PIBF1: variants seen among roughly 807,000 people sequenced by gnomAD.
PIBF1 encodes the protein progesterone-induced-blocking factor 1.
Under a neutral mutation model 112.5 loss-of-function variants are expected in PIBF1, and 90 were observed. The observed-to-expected ratio is 0.80, with a 90% CI of 0.67 to 0.95. The LOEUF is 0.95. Ranked by LOEUF, PIBF1 falls within the 40% of genes least tolerant of loss-of-function variation. The pLI, the probability that PIBF1 is intolerant of heterozygous loss-of-function variation, is 0.00. For missense variants in PIBF1, 915 were observed against 852.3 expected, an observed-to-expected ratio of 1.07 and a Z score of -0.92; for synonymous variants, 301 against 288.6, an observed-to-expected ratio of 1.04 and a Z score of -0.44.
chr13:73,005,553 G>T (rs2044007205), intron 17 of PIBF1, among the ~76,000 whole-genome samples: 10 of 151,672 alleles, frequency 6.6e-5, no homozygotes, highest in South Asian at 4.2e-4. Context: ...ATTGTAAGTA[G>T]GTTACAAAAA....
intron 10 of PIBF1, among the ~76,000 whole-genome samples, chr13:72,871,096 A>G (rs2039143789): frequency 6.6e-6 from 1 of 152,158 alleles, no homozygotes; most frequent in Non-Finnish European, 1.5e-5. Context: ...CCTGAATTGG[A>G]TGGTGGCATA....
intron 10 of PIBF1, among the ~76,000 whole-genome samples, chr13:72,858,023 T>TTGCTTTTTTTTTG (rs71099760): frequency 8.5e-5 from 12 of 141,224 alleles, no homozygotes; most frequent in African/African-American, 3.2e-4. Flanking sequence ...CAAATGTACA[T>TTGCTTTTTTTTTG]TGTGTGTGTG....
chr13:72,792,503 A>G lies in PIBF1; in HGVS notation c.309A>G (p.Thr103=), dbSNP rs758684015. Residue 103 remains threonine, a synonymous_variant, in exon 3 of 18, where the codon ACA becomes ACG. Transcript: ENST00000326291. ...CACTTCACCAGAAGCAGCTACTAAC[A>G]TTGAGATTAGACAACCAATTGGCTT... The part of the protein sequence containing the change: ...NDALHQKQLL[T]LRLDNQLAFQ... The G allele has an allele frequency of 3.8e-6, 6 of 1,576,868 alleles. No individual in the cohort carries two copies. The highest frequency in any genetic ancestry group is 3.4e-6 in the Non-Finnish European group (4 of 1,166,222).
Position 72,824,412 on chromosome 13 carries a change from TATTGGCAATAATGA to T in PIBF1, c.806+2434_806+2447del, listed in dbSNP as rs2036707479. 2.0e-5 allele frequency among the ~76,000 whole-genome samples: 3 copies of T among 152,252 alleles called. No homozygotes were observed. The South Asian group carries it at 6.2e-4, about 32-fold the overall frequency. ...TAGCAAACTTGAATATCACAATAAATATTGGCAATAATGAATTACAGTCCATTGAATAGAATAAG... is the reference window on the plus strand; with the variant it reads ...TAGCAAACTTGAATATCACAATAAATATTACAGTCCATTGAATAGAATAAG... On this transcript the variant is annotated intron_variant, in intron 6 of 17. Coordinates refer to ENST00000326291, the MANE Select transcript of PIBF1 (RefSeq NM_006346.4).
At position 72,795,427 on chromosome 13, in the gene PIBF1, CAA is replaced by C. The variant is rs1242155131; in HGVS notation, c.424_425del (p.Asn142SerfsTer16). On this transcript the variant is annotated frameshift_variant, in exon 4 of 18. Coordinates refer to ENST00000326291, the MANE Select transcript of PIBF1 (RefSeq NM_006346.4). LOFTEE classifies it high-confidence loss of function. ...TTGAGACAGAAACAACTAGAAGAGA[CAA>C]ATCTTCAGCTAAGAGAAAAAGCTGG... 6.2e-7 allele frequency: 1 copy of C among 1,609,296 alleles called. No individual in the cohort carries two copies.
chr13:72,999,995 C>T (rs1193755086), intron 17 of PIBF1, among the ~76,000 whole-genome samples: 1 of 152,184 alleles, frequency 6.6e-6, no homozygotes, highest in African/African-American at 2.4e-5. Flanking sequence ...GGTGCGATGG[C>T]ACCACTGCAT....
chr13:72,957,699 T>G (rs1376476598), intron 14 of PIBF1, among the ~76,000 whole-genome samples: 1 of 152,064 alleles, frequency 6.6e-6, no homozygotes, highest in Non-Finnish European at 1.5e-5. Context: ...GCCCAGCTAC[T>G]TGGGAGGCCA....
At chr13:72,873,731 G>A (rs1262434178) in intron 10 of PIBF1, among the ~76,000 whole-genome samples, 3 of 150,542 alleles carry the variant, frequency 2.0e-5, no homozygotes, top group Non-Finnish European at 4.4e-5. Context: ...TGGTAGTTGG[G>A]GGACAAAAAG....
chr13:73,010,448 C>A (rs2044161574), intron 17 of PIBF1, among the ~76,000 whole-genome samples: 1 of 151,768 alleles, frequency 6.6e-6, no homozygotes, highest in East Asian at 1.9e-4. Flanking sequence ...ATTAAAAATA[C>A]AAAAATTAGC....
chr13:72,888,648 C>G (rs1355027418), intron 10 of PIBF1, among the ~76,000 whole-genome samples: 1 of 151,724 alleles, frequency 6.6e-6, no homozygotes, highest in Non-Finnish European at 1.5e-5. Context: ...TGATTATGTC[C>G]ACATTGTGGT....
intron 11 of PIBF1, 85 bp from the exon 12 acceptor site, chr13:72,908,446 C>A: frequency 1.5e-6 from 1 of 673,828 alleles, no homozygotes; most frequent in Non-Finnish European, 2.3e-6. Context: ...CAAAAAAAGC[C>A]CTATGAATGT....
intron 10 of PIBF1, 60 bp from the exon 11 acceptor site, chr13:72,893,724 A>T: frequency 9.4e-7 from 1 of 1,067,472 alleles, no homozygotes; most frequent in Admixed American, 2.9e-5. Context: ...AAGGTTTATG[A>T]TTACTTAAAT....
intron 16 of PIBF1, 70 bp downstream of exon 16, chr13:72,973,745 T>C: frequency 1.2e-6 from 1 of 815,262 alleles, no homozygotes; most frequent in Non-Finnish European, 2.1e-6. Context: ...AGGTTAAAAT[T>C]ATTGGATCCC....
At chr13:72,878,012 G>A (rs1033538774) in intron 10 of PIBF1, among the ~76,000 whole-genome samples, 1 of 151,956 alleles carries the variant, frequency 6.6e-6, no homozygotes, top group Admixed American at 6.6e-5. Context: ...GCCTCCCAAA[G>A]TGCTGGGATT....
intron 10 of PIBF1, among the ~76,000 whole-genome samples, chr13:72,878,319 C>A (rs2039490963): frequency 6.6e-6 from 1 of 152,030 alleles, no homozygotes; most frequent in Non-Finnish European, 1.5e-5. Flanking sequence ...CCAAGCACTT[C>A]TGCGTTCCAC....
At chr13:72,933,755 T>C (rs983707826) in intron 14 of PIBF1, among the ~76,000 whole-genome samples, 1 of 152,230 alleles carries the variant, frequency 6.6e-6, no homozygotes, top group African/African-American at 2.4e-5. Flanking sequence ...GCTCCTATAA[T>C]TAAGTATAAT....
chr13:72,879,290 T>A (rs959519375), intron 10 of PIBF1, among the ~76,000 whole-genome samples: 1 of 152,276 alleles, frequency 6.6e-6, no homozygotes, highest in Middle Eastern at 3.4e-3. Context: ...AAATGTAAGC[T>A]AAATGTGAGA....
rs200683940 is a variant in PIBF1 at position 72,835,370 on chromosome 13, T to TAAAA, written c.1223+12_1223+15dup. On this transcript the variant is annotated splice_region_variant and intron_variant, in intron 9 of 17. Coordinates refer to ENST00000326291, the MANE Select transcript of PIBF1 (RefSeq NM_006346.4). ...GGAAATGTATGAACGAGAAAACAGGTAAAAAAAAAAAAATGCTTGTATGGT... is the reference window on the plus strand; with the variant it reads ...GGAAATGTATGAACGAGAAAACAGGTAAAAAAAAAAAAAAAAATGCTTGTATGGT... 6 of 1,349,722 alleles carry TAAAA rather than the reference T, an allele frequency of 4.4e-6. No homozygotes were observed. In the African/African-American group the frequency reaches 4.6e-5, roughly 10 times the overall value. The allele number at this position is 1,349,722 out of a possible 1,614,324, so 83.6% of individuals were successfully genotyped here.
intron 14 of PIBF1, among the ~76,000 whole-genome samples, chr13:72,937,174 T>A (rs1765141642): frequency 6.6e-6 from 1 of 152,214 alleles, no homozygotes; most frequent in Non-Finnish European, 1.5e-5. Flanking sequence ...TTGATATGGT[T>A]ATGTTCAAGT....
Sources: gnomAD v4.1 joint callset for allele counts (sites outside exome capture counted in the v4.1 genomes callset) on GRCh38, gnomAD v4.1.1 for gene constraint, MANE v1.5 for transcripts, NCBI Gene and HGNC (gene_info 2026-07-23, HGNC 2026-07-21) for gene names.